ACSM3: variants seen among roughly 807,000 people sequenced by gnomAD.
ACSM3 encodes the protein acyl-CoA synthetase medium chain family member 3.
In ACSM3, 61 loss-of-function variants were observed where a neutral mutation model predicts 74.1. That is an observed-to-expected ratio of 0.82 (90% confidence interval 0.67 to 1.02). ACSM3 has a LOEUF of 1.02. Among genes scored for constraint, ACSM3 ranks in the 50% least tolerant of loss-of-function variants. ACSM3 has a pLI of 0.00. For synonymous variants in ACSM3, 213 were observed against 241.5 expected, an observed-to-expected ratio of 0.88 and a Z score of 1.09; for missense variants, 660 against 697.0, an observed-to-expected ratio of 0.95 and a Z score of 0.60.
intron 1 of ACSM3, chr16:20,681,335 G>C (rs192671156): frequency 2.6e-5 from 4 of 152,350 alleles, no homozygotes; most frequent in Admixed American, 2.6e-4. Flanking sequence ...CTGTTGCCTA[G>C]AAATTGCTAA....
intron 2 of ACSM3, among the ~76,000 whole-genome samples, chr16:20,774,239 CTTT>C (rs71377684): frequency 4.4e-5 from 5 of 114,016 alleles, no homozygotes; most frequent in African/African-American, 1.0e-4. Context: ...TTTTCTGTGT[CTTT>C]TTTTTTTTTT....
intron 1 of ACSM3, among the ~76,000 whole-genome samples, chr16:20,730,990 G>A (rs182886084): frequency 2.0e-5 from 3 of 152,216 alleles, no homozygotes; most frequent in Non-Finnish European, 4.4e-5. Context: ...CTCCTGAGTC[G>A]CTAGGACTAC....
In ACSM3 at chr16:20,792,386, ATACT is replaced by A. The variant is rs753625620; in HGVS notation, c.1554+55_1554+58del. The stretch of plus-strand genomic sequence containing the variant: ...TTATAATTTGTTGGCAATTTAACAC[ATACT>A]TACAAACAGTAGCTCAGTGAAACAG... On this transcript the variant is annotated intron_variant, in intron 12 of 13. Transcript: ENST00000289416. 1.5e-5 allele frequency: 24 copies of A among 1,603,516 alleles called. No individual in the cohort carries two copies. The African/African-American group carries it at 2.4e-4, about 16-fold the overall frequency.
In ACSM3 at chr16:20,685,547, C is replaced by T. The variant is rs183409660; in HGVS notation, c.-190+10725C>T. 2,022 of 773,176 alleles carry T rather than the reference C, an allele frequency of 2.6e-3. 8 individuals carry two copies. Among genetic ancestry groups the T allele is most frequent in the Non-Finnish European group, 3.7e-3 (1,698 of 461,046 alleles). 47.9% of individuals were successfully genotyped at this position (773,176 alleles called of 1,614,324 possible). On this transcript the variant is annotated intron_variant, in intron 1 of 3. Coordinates refer to the ACSM3 transcript ENST00000561584. The stretch of plus-strand genomic sequence containing the variant: ...ATTTTAAAACATTTATACAGCCAGG[C>T]GCAGTGGCTCATGCTTGTAATTCCA...
intron 6 of ACSM3, 134 bp downstream of exon 6, chr16:20,781,264 A>G (rs2080346890): frequency 3.5e-6 from 4 of 1,155,112 alleles, no homozygotes; most frequent in South Asian, 3.2e-5. Flanking sequence ...CAGAAAGTCA[A>G]TAAGCCTGAA....
chr16:20,741,726 G>A (rs368837394), intron 1 of ACSM3: 48 of 1,572,738 alleles, frequency 3.1e-5, no homozygotes, highest in Non-Finnish European at 4.0e-5. Context: ...AGTCTGCTGG[G>A]CAGGGGCCGC....
At chr16:20,685,829 AAAC>A (rs1293515400) in intron 1 of ACSM3, among the ~76,000 whole-genome samples, 5 of 92,706 alleles carry the variant, frequency 5.4e-5, no homozygotes, top group Admixed American at 9.3e-5. Context: ...CAAAAAAAAA[AAAC>A]AAACAAAAAA....
chr16:20,735,921 T>C (rs1374975870), intron 1 of ACSM3: 3 of 152,096 alleles, frequency 2.0e-5, no homozygotes, highest in Non-Finnish European at 2.9e-5. Context: ...TCACCAACCA[T>C]GCATATTTTC....
intron 1 of ACSM3, chr16:20,764,877 G>A (rs1003837512): frequency 2.6e-5 from 4 of 152,230 alleles, no homozygotes; most frequent in Non-Finnish European, 5.9e-5. Flanking sequence ...GCAAACCTAA[G>A]AGCAGCCAGT....
At chr16:20,753,681 A>ATTTCTTTGCTC in intron 2 of ACSM3, among the ~76,000 whole-genome samples, 1 of 152,092 alleles carries the variant, frequency 6.6e-6, no homozygotes, top group African/African-American at 2.4e-5. Flanking sequence ...TAAAGAAGTA[A>ATTTCTTTGCTC]AAGCTGCAGA....
intron 1 of ACSM3, chr16:20,738,009 G>C: frequency 1.3e-6 from 2 of 1,513,622 alleles, no homozygotes; most frequent in African/African-American, 2.8e-5. Context: ...CTTAAAGATC[G>C]AACTCTAAAA....
At chr16:20,769,652 A>G (rs2080167038) in intron 1 of ACSM3, among the ~76,000 whole-genome samples, 6 of 152,236 alleles carry the variant, frequency 3.9e-5, no homozygotes, top group Admixed American at 3.9e-4. Flanking sequence ...TTACTTCTTT[A>G]GAAATGCATA....
intron 1 of ACSM3, among the ~76,000 whole-genome samples, chr16:20,695,578 CCTAT>C (rs1375296916): frequency 2.8e-5 from 4 of 142,766 alleles, no homozygotes; most frequent in Non-Finnish European, 4.6e-5. Flanking sequence ...CTATCTATTA[CCTAT>C]CTATTATCTA....
rs757021642 is a variant in ACSM3, at chr16:20,796,453, T to TA, written c.1645dup (p.Thr549AsnfsTer29). The TA allele has an allele frequency of 1.7e-5, 28 of 1,613,624 alleles. No homozygotes were observed. The African/African-American group carries it at 2.1e-4, about 12-fold the overall frequency. On this transcript the variant is annotated frameshift_variant, in exon 13 of 14. Coordinates refer to ENST00000289416, the MANE Select transcript of ACSM3 (RefSeq NM_005622.4). LOFTEE classifies it high-confidence loss of function. ...TAATAAAGGAGATTCAGGAGCATGT[T>TA]AAAAAAACTACAGCACCTTACAAAT... is the stretch of plus-strand genomic sequence containing the variant.
At chr16:20,685,447 A>G (rs1193258441) in intron 1 of ACSM3, 5 of 1,580,606 alleles carry the variant, frequency 3.2e-6, no homozygotes, top group East Asian at 2.2e-5. Flanking sequence ...GCTTCAAAGA[A>G]AAAGGGCACT....
At chr16:20,723,659 T>C (rs943780058) in intron 1 of ACSM3, among the ~76,000 whole-genome samples, 6 of 152,214 alleles carry the variant, frequency 3.9e-5, no homozygotes, top group African/African-American at 1.4e-4. Flanking sequence ...TTTTCATGTG[T>C]TTTTTGGCTG....
intron 1 of ACSM3, among the ~76,000 whole-genome samples, chr16:20,718,005 G>GA (rs1567323285): frequency 6.8e-6 from 1 of 147,816 alleles, no homozygotes; most frequent in Non-Finnish European, 1.5e-5. Flanking sequence ...AGAAGAAGAA[G>GA]AAGAAGAAGA....
intron 1 of ACSM3, among the ~76,000 whole-genome samples, chr16:20,745,097 A>T (rs1314053271): frequency 6.6e-6 from 1 of 152,204 alleles, no homozygotes; most frequent in Non-Finnish European, 1.5e-5. Context: ...GCCCTCGTCC[A>T]GCTCTAAATA....
chr16:20,791,570 T>A (rs1238389645), intron 10 of ACSM3, among the ~76,000 whole-genome samples: 1 of 152,186 alleles, frequency 6.6e-6, no homozygotes, highest in Non-Finnish European at 1.5e-5. Context: ...TCACAATCTA[T>A]CTCTTCCTAA....
Sources: allele counts gnomAD v4.1 joint callset (sites outside exome capture counted in the v4.1 genomes callset), GRCh38; gene constraint gnomAD v4.1.1; transcripts MANE v1.5; gene names NCBI Gene and HGNC (gene_info 2026-07-23, HGNC 2026-07-21).